Variants in FNDC1 observed in about 807,000 individuals in gnomAD.
FNDC1 encodes the protein fibronectin type III domain-containing protein 1.
Under a neutral mutation model 168.0 loss-of-function variants are expected in FNDC1, and 96 were observed. The observed-to-expected ratio is 0.57, with a 90% CI of 0.48 to 0.68. The LOEUF (loss-of-function observed/expected upper bound fraction) is 0.68. Among genes scored for constraint, FNDC1 ranks in the 30% least tolerant of loss-of-function variants. The pLI is 0.00. For missense variants in FNDC1, 2,587 were observed against 2,482.1 expected (o/e 1.04, Z -0.90); for synonymous variants, 1,099 against 1,025.9 (o/e 1.07, Z -1.36).
chr6:159,269,292 CCA>C (rs1562315843), intron 22 of FNDC1, among the ~76,000 whole-genome samples: 2 of 38,734 alleles, frequency 5.2e-5, no homozygotes, highest in Middle Eastern at 0.023. Context: ...ATCTATCTAT[CCA>C]TCCATCCATC....
chr6:159,233,396 G>A lies in FNDC1; in HGVS notation c.2884G>A (p.Gly962Ser). Reference sequence around the variant, plus strand: ...ACAGAGCACAGACGCGGACACGGAGGGTCATTCTCCCAAAGCACAGCCAGG... The same window carrying A: ...ACAGAGCACAGACGCGGACACGGAGAGTCATTCTCCCAAAGCACAGCCAGG... ...VQQSTDADTE[G>S]HSPKAQPGST... The change falls in exon 11 of 23, where the codon GGT becomes AGT. Residue 962 changes from glycine (G) to serine (S), a missense_variant. By Grantham distance (56) the Gly-to-Ser change is moderately conservative. Transcript: ENST00000297267. This position sits in a 1 kb window ranked among gnomAD's most constrained non-coding sequence, Gnocchi z 4.6. 1 of 1,613,352 alleles carries A rather than the reference G, an allele frequency of 6.2e-7. No individual in the cohort carries two copies. The highest frequency in any genetic ancestry group is 8.5e-7 in the Non-Finnish European group (1 of 1,179,790).
intron 21 of FNDC1, among the ~76,000 whole-genome samples, chr6:159,266,679 GGT>G (rs1491198540): frequency 4.8e-5 from 2 of 41,538 alleles, no homozygotes; most frequent in Non-Finnish European, 1.0e-4. Context: ...AGAAATCTAG[GGT>G]TTTTTTTTTT....
chr6:159,267,990 G>T (rs117701160), intron 22 of FNDC1, 64 bp downstream of exon 22: 7 of 1,537,626 alleles, frequency 4.6e-6, no homozygotes, highest in South Asian at 3.6e-5. Context: ...AATAGAGGGG[G>T]AAAATCCACA....
At chr6:159,255,114 T>G (rs752833931) in intron 17 of FNDC1, among the ~76,000 whole-genome samples, 1 of 152,222 alleles carries the variant, frequency 6.6e-6, no homozygotes, top group Non-Finnish European at 1.5e-5. Context: ...ATAGGTTTAA[T>G]GTCTTAACTG....
At chr6:159,200,379 C>A in intron 3 of FNDC1, 134 bp from the exon 4 acceptor site, 2 of 710,254 alleles carry the variant, frequency 2.8e-6, no homozygotes, top group Non-Finnish European at 2.4e-6. Flanking sequence ...GGTGTCCAGT[C>A]ACTAATATGG....
intron 5 of FNDC1, among the ~76,000 whole-genome samples, chr6:159,217,509 T>A (rs1782732927): frequency 6.6e-6 from 1 of 152,012 alleles, no homozygotes; most frequent in Non-Finnish European, 1.5e-5. Context: ...GGATTTGATC[T>A]GGTGGAGACA....
Position 159,221,589 on chromosome 6 carries a change from G to A in FNDC1, c.668-9G>A, listed in dbSNP as rs193017821. Reference sequence around the variant, plus strand: ...GTCAGAATCTCATCCCTCACTCCCTGGTCCACAGCCTCGGAATCCGTGTAT... The same window carrying A: ...GTCAGAATCTCATCCCTCACTCCCTAGTCCACAGCCTCGGAATCCGTGTAT... On this transcript the variant is annotated splice_polypyrimidine_tract_variant and intron_variant, in intron 5 of 22. Coordinates refer to ENST00000297267, the MANE Select transcript of FNDC1 (RefSeq NM_032532.3). 1.2e-6 allele frequency: 2 copies of A among 1,611,012 alleles called. No individual in the cohort carries two copies. Among genetic ancestry groups the A allele is most frequent in the East Asian group, 2.2e-5 (1 of 44,866 alleles).
intron 15 of FNDC1, among the ~76,000 whole-genome samples, chr6:159,248,721 G>A (rs1562307953): frequency 6.6e-6 from 1 of 152,186 alleles, no homozygotes; most frequent in African/African-American, 2.4e-5. Flanking sequence ...GAGCTACAAG[G>A]CTACAGTGGA....
chr6:159,209,972 C>A (rs1259641513), intron 4 of FNDC1, among the ~76,000 whole-genome samples: 1 of 152,174 alleles, frequency 6.6e-6, no homozygotes, highest in Non-Finnish European at 1.5e-5. Context: ...CATCAGGGGT[C>A]TTTCCCAGAG....
At chr6:159,224,158 TAC>T (rs750504810) in intron 7 of FNDC1, among the ~76,000 whole-genome samples, 10 of 152,262 alleles carry the variant, frequency 6.6e-5, no homozygotes, top group Non-Finnish European at 1.2e-4. Context: ...GGCTCATTTA[TAC>T]ATAACAAAAT....
chr6:159,261,160 C>T (rs772244776), intron 18 of FNDC1, 30 bp from the exon 19 acceptor site: 52 of 1,546,256 alleles, frequency 3.4e-5, no homozygotes, highest in Non-Finnish European at 4.4e-5. Flanking sequence ...ATACATGTCT[C>T]TTTCAAAATA....
chr6:159,170,817 T>C (rs1433792108), intron 1 of FNDC1, among the ~76,000 whole-genome samples: 2 of 152,192 alleles, frequency 1.3e-5, no homozygotes, highest in Non-Finnish European at 1.5e-5. Context: ...GTGCCTGCCG[T>C]AGGGTCTTTT....
At chr6:159,209,258 C>G (rs1562637876) in intron 4 of FNDC1, among the ~76,000 whole-genome samples, 1 of 152,210 alleles carries the variant, frequency 6.6e-6, no homozygotes, top group Non-Finnish European at 1.5e-5. Context: ...CTCCAGGCTT[C>G]TGGGCTGGGG....
chr6:159,179,593 A>G (rs1339657779), intron 1 of FNDC1, among the ~76,000 whole-genome samples: 1 of 152,158 alleles, frequency 6.6e-6, no homozygotes, highest in Non-Finnish European at 1.5e-5. Context: ...TACCCCCAGC[A>G]CATCTTATCA....
chr6:159,269,209 C>CTATT (rs1777662153), intron 22 of FNDC1, among the ~76,000 whole-genome samples: 1 of 111,852 alleles, frequency 8.9e-6, no homozygotes, highest in Non-Finnish European at 1.9e-5. Flanking sequence ...CTATTCATAT[C>CTATT]TATCTATCTA....
chr6:159,261,904 C>T (rs1225363756), intron 19 of FNDC1, among the ~76,000 whole-genome samples: 1 of 151,822 alleles, frequency 6.6e-6, no homozygotes, highest in African/African-American at 2.4e-5. Flanking sequence ...GAGTTCAAGA[C>T]CAGCTTGAGC....
chr6:159,185,270 A>C (rs1332969060), intron 1 of FNDC1, among the ~76,000 whole-genome samples: 1 of 152,228 alleles, frequency 6.6e-6, no homozygotes, highest in East Asian at 1.9e-4. Context: ...CTGACAAATA[A>C]GCATTGAAAT....
At position 159,249,203 on chromosome 6, in the gene FNDC1, CAG is replaced by C. The variant is rs745511374; in HGVS notation, c.4834+25_4834+26del. The C allele has an allele frequency of 7.5e-6, 12 of 1,594,442 alleles. No homozygotes were observed. In the Admixed American group the frequency reaches 1.2e-4, roughly 16 times the overall value. ...TGTTGGTAAATATAATGTCCTTAATCAGAGAAACATGGGTTTTTAACTTGTGG... is the reference window on the plus strand; with the variant it reads ...TGTTGGTAAATATAATGTCCTTAATCAGAAACATGGGTTTTTAACTTGTGG... On this transcript the variant is annotated intron_variant, in intron 16 of 22. Coordinates refer to ENST00000297267, the MANE Select transcript of FNDC1 (RefSeq NM_032532.3).
intron 11 of FNDC1, 58 bp from the exon 12 acceptor site, chr6:159,236,157 C>G: frequency 7.8e-7 from 1 of 1,290,302 alleles, no homozygotes; most frequent in Non-Finnish European, 1.1e-6. Context: ...ATGAAGCCAA[C>G]TTCCCGGGCA....
Sources: allele counts gnomAD v4.1 joint callset (sites outside exome capture counted in the v4.1 genomes callset), GRCh38; gene constraint gnomAD v4.1.1; non-coding constraint Gnocchi (gnomAD v3.1); transcripts MANE v1.5; gene names NCBI Gene and HGNC (gene_info 2026-07-23, HGNC 2026-07-21).